Variants in DLG2 observed in about 807,000 individuals in gnomAD.
DLG2 encodes discs large MAGUK scaffold protein 2.
DLG2 carries 45 observed loss-of-function variants against 132.5 expected under a neutral mutation model. That is an observed-to-expected ratio of 0.34 (90% CI 0.27 to 0.44). DLG2 has a LOEUF of 0.44. DLG2 is among the 20% of genes least tolerant of loss of function. The pLI is 1.00. For missense variants in DLG2, 1,045 were observed against 1,196.9 expected, an observed-to-expected ratio of 0.87 and a Z score of 1.87; for synonymous variants, 424 against 419.6, an observed-to-expected ratio of 1.01 and a Z score of -0.13.
chr11:83,733,495 G>A (rs2091387686), intron 18 of DLG2, among the ~76,000 whole-genome samples: 1 of 152,198 alleles, frequency 6.6e-6, no homozygotes, highest in African/African-American at 2.4e-5. Flanking sequence ...AAGCTGGCAA[G>A]TAGCTGGTGT....
At position 85,454,274 on chromosome 11, in the gene DLG2, T is replaced by G. The variant is rs569071443; in HGVS notation, c.40+144383A>C. Among the ~76,000 whole-genome samples, 74 of 152,168 alleles carry G rather than the reference T, an allele frequency of 4.9e-4. 2 individuals carry two copies. The highest frequency in any genetic ancestry group is 1.6e-3 in the African/African-American group (68 of 41,516). Reference sequence around the variant, plus strand: ...AGATGGTATCTCATTGTGGTTTTGATTTGCATTTCCCTAAAAATTACTGAT... The same window carrying G: ...AGATGGTATCTCATTGTGGTTTTGAGTTGCATTTCCCTAAAAATTACTGAT... On this transcript the variant is annotated intron_variant, in intron 3 of 27. Transcript: ENST00000376104.
At chr11:85,483,843 C>T (rs1048073351) in intron 3 of DLG2, among the ~76,000 whole-genome samples, 2 of 148,026 alleles carry the variant, frequency 1.4e-5, no homozygotes, top group Non-Finnish European at 3.0e-5. Context: ...ACTCAGGAGG[C>T]TGAGGCAGGA....
intron 5 of DLG2, among the ~76,000 whole-genome samples, chr11:85,152,893 C>G (rs565297299): frequency 1.3e-5 from 2 of 152,250 alleles, no homozygotes; most frequent in Admixed American, 1.3e-4. Flanking sequence ...TCTTAATCAA[C>G]CAGTTTTAAT....
chr11:84,076,652 C>A (rs1472971676), intron 10 of DLG2, among the ~76,000 whole-genome samples: 2 of 152,202 alleles, frequency 1.3e-5, no homozygotes, highest in African/African-American at 4.8e-5. Context: ...CCAACCCTGA[C>A]TGAACCCAAC....
Position 84,532,724 on chromosome 11 carries a change from T to C in DLG2, c.519+1846A>G, listed in dbSNP as rs570570900. Reference sequence around the variant, plus strand: ...GTTACCCAGGCTGGTCTTGAAGTCCTGGGATCAGCGGTCCTCCCACCTCAG... The same window carrying C: ...GTTACCCAGGCTGGTCTTGAAGTCCCGGGATCAGCGGTCCTCCCACCTCAG... On this transcript the variant is annotated intron_variant, in intron 7 of 27. Coordinates refer to ENST00000376104, the MANE Select transcript of DLG2 (RefSeq NM_001142699.3). Among the ~76,000 whole-genome samples the C allele has an allele frequency of 3.9e-5, 6 of 152,294 alleles. No individual in the cohort carries two copies. In the South Asian group the frequency reaches 1.0e-3, roughly 26 times the overall value.
chr11:85,181,802 G>A (rs187748766), intron 4 of DLG2, among the ~76,000 whole-genome samples: 2 of 151,358 alleles, frequency 1.3e-5, no homozygotes, highest in Non-Finnish European at 3.0e-5. Context: ...CTATTAGCTC[G>A]ATATTTTCAA....
At chr11:85,583,733 T>TA (rs2078781370) in intron 3 of DLG2, among the ~76,000 whole-genome samples, 1 of 152,224 alleles carries the variant, frequency 6.6e-6, no homozygotes, top group Non-Finnish European at 1.5e-5. Flanking sequence ...ACTCATGAGA[T>TA]ACTTTCTCTT....
chr11:84,794,665 T>C (rs770149459), intron 6 of DLG2, among the ~76,000 whole-genome samples: 8 of 152,240 alleles, frequency 5.3e-5, no homozygotes, highest in Admixed American at 2.0e-4. Context: ...CCGAAGTGCC[T>C]GCTCCCGCTC....
chr11:85,467,146 T>C (rs983693536), intron 3 of DLG2, among the ~76,000 whole-genome samples: 2 of 152,206 alleles, frequency 1.3e-5, no homozygotes, highest in African/African-American at 2.4e-5. Context: ...CTTGTGATTT[T>C]TGCAATTGAT....
chr11:85,044,734 A>G (rs970673765), intron 6 of DLG2, among the ~76,000 whole-genome samples: 3 of 152,038 alleles, frequency 2.0e-5, no homozygotes, highest in Non-Finnish European at 1.5e-5. Flanking sequence ...CCATCAGAAA[A>G]GCAATTTCTT....
In DLG2 at chr11:84,831,518, G is replaced by T. The variant is rs907613331; in HGVS notation, c.357+280143C>A. Reference sequence around the variant, plus strand: ...ACACAGCAAGTAAGTAAAATAAAATGAAGTCACGAATATAAACTGACTTCA... The same window carrying T: ...ACACAGCAAGTAAGTAAAATAAAATTAAGTCACGAATATAAACTGACTTCA... On this transcript the variant is annotated intron_variant, in intron 6 of 27. Coordinates refer to ENST00000376104, the MANE Select transcript of DLG2 (RefSeq NM_001142699.3). Among the ~76,000 whole-genome samples the T allele has an allele frequency of 9.2e-5, 14 of 151,590 alleles. No individual in the cohort carries two copies. In the Admixed American group the frequency reaches 9.2e-4, roughly 10 times the overall value.
At chr11:85,574,022 A>G (rs957458437) in intron 3 of DLG2, among the ~76,000 whole-genome samples, 2 of 152,098 alleles carry the variant, frequency 1.3e-5, no homozygotes, top group Admixed American at 6.6e-5. Flanking sequence ...TTTAATTTAA[A>G]AAAGGTAAAA....
chr11:83,905,891 C>A (rs1007587386), intron 15 of DLG2, among the ~76,000 whole-genome samples: 2 of 151,996 alleles, frequency 1.3e-5, no homozygotes, highest in Non-Finnish European at 1.5e-5. Flanking sequence ...CAAATTTCCC[C>A]TTTAAAGAAG....
chr11:84,649,083 G>A (rs1407443748), intron 6 of DLG2, among the ~76,000 whole-genome samples: 1 of 152,014 alleles, frequency 6.6e-6, no homozygotes, highest in African/African-American at 2.4e-5. Flanking sequence ...CAGGTATAAA[G>A]CTTCCAAGTA....
chr11:83,955,536 A>C (rs76800353), intron 14 of DLG2, among the ~76,000 whole-genome samples: 1,527 of 152,190 alleles, frequency 0.01, 13 homozygotes, highest in Middle Eastern at 0.02. Context: ...ACTCCTGTTC[A>C]CCCACTCTCC....
intron 6 of DLG2, among the ~76,000 whole-genome samples, chr11:84,595,392 C>T (rs2099554156): frequency 2.0e-5 from 3 of 151,660 alleles, no homozygotes; most frequent in African/African-American, 4.8e-5. Flanking sequence ...AGATTACAGG[C>T]ATGAGCCACT....
At chr11:84,493,885 G>T (rs1297637309) in intron 7 of DLG2, among the ~76,000 whole-genome samples, 1 of 152,098 alleles carries the variant, frequency 6.6e-6, no homozygotes, top group Non-Finnish European at 1.5e-5. Flanking sequence ...CATCTGAAAG[G>T]TTCATTTTTG....
At chr11:84,914,808 CA>C (rs2092349408) in intron 6 of DLG2, among the ~76,000 whole-genome samples, 11 of 152,202 alleles carry the variant, frequency 7.2e-5, no homozygotes, top group Admixed American at 7.2e-4. Flanking sequence ...AGTCCTTTCA[CA>C]TGTAAAAATA....
intron 6 of DLG2, among the ~76,000 whole-genome samples, chr11:84,697,390 T>A (rs1476964841): frequency 2.0e-5 from 3 of 151,492 alleles, no homozygotes. Flanking sequence ...CAAAACAACT[T>A]AATTCAGGTG....
Sources: gnomAD v4.1 joint callset for allele counts (sites outside exome capture counted in the v4.1 genomes callset) on GRCh38, gnomAD v4.1.1 for gene constraint, MANE v1.5 for transcripts, NCBI Gene and HGNC (gene_info 2026-07-23, HGNC 2026-07-21) for gene names.